SOX5: variants seen among roughly 807,000 people sequenced by gnomAD.
SOX5 encodes transcription factor SOX-5.
Under a neutral mutation model 92.0 loss-of-function variants are expected in SOX5, and 9 were observed. The ratio of observed to expected loss-of-function variants is 0.10; its 90% confidence interval spans 0.06 to 0.17. The LOEUF is 0.17. Among genes scored for constraint, SOX5 ranks in the 10% least tolerant of loss-of-function variants. The pLI, the probability that SOX5 is intolerant of heterozygous loss-of-function variation, is 1.00. For missense variants in SOX5, 642 were observed against 944.5 expected, an observed-to-expected ratio of 0.68 and a Z score of 4.20; for synonymous variants, 344 against 336.3, an observed-to-expected ratio of 1.02 and a Z score of -0.25.
rs533122065 is a variant in SOX5 at position 23,765,978 on chromosome 12, A to G, written c.482-10254T>C. On this transcript the variant is annotated intron_variant, in intron 3 of 14. Coordinates refer to ENST00000451604, the MANE Select transcript of SOX5 (RefSeq NM_006940.6). ...ACCAATTGTGACCATCACTAAAACC[A>G]TTTATTCAAATTGTTATAGTGTCAC... Among the ~76,000 whole-genome samples, 100 of 152,262 alleles carry G rather than the reference A, an allele frequency of 6.6e-4. 1 individual carries two copies. The South Asian group carries it at 8.9e-3, about 14-fold the overall frequency.
rs563135127 is a variant in SOX5 at position 24,047,214 on chromosome 12, T to C, written c.-1-151190A>G. On this transcript the variant is annotated intron_variant, in intron 4 of 4. Coordinates refer to the SOX5 transcript ENST00000446891. ...TATGCTGGGCTGACCTTTTCTGGAA[T>C]AGTTTTAAGAATTGAGAGGCAGGGA... Among the ~76,000 whole-genome samples, 7 of 152,316 alleles carry C rather than the reference T, an allele frequency of 4.6e-5. No homozygotes were observed. The East Asian group carries it at 1.4e-3, about 29-fold the overall frequency.
intron 2 of SOX5, among the ~76,000 whole-genome samples, chr12:23,854,967 A>G (rs4635171): frequency 0.079 from 12,098 of 152,192 alleles, 594 homozygotes; most frequent in Middle Eastern, 0.14. Context: ...AAATATTACA[A>G]GAGCTATATA....
At chr12:24,437,733 G>A (rs1372471716) in intron 1 of SOX5, among the ~76,000 whole-genome samples, 1 of 152,044 alleles carries the variant, frequency 6.6e-6, no homozygotes, top group African/African-American at 2.4e-5. Context: ...ACCACAGTGA[G>A]ATACCATCTT....
intron 6 of SOX5, among the ~76,000 whole-genome samples, chr12:23,685,269 A>G (rs1478645203): frequency 1.3e-5 from 2 of 152,030 alleles, no homozygotes; most frequent in Non-Finnish European, 2.9e-5. Context: ...TAACTTTAGA[A>G]GACAGAGAAA....
At chr12:23,908,305 G>A (rs1260862567) in intron 1 of SOX5, among the ~76,000 whole-genome samples, 1 of 152,016 alleles carries the variant, frequency 6.6e-6, no homozygotes, top group Non-Finnish European at 1.5e-5. Flanking sequence ...GCTAAAATGA[G>A]TACTGAACAT....
chr12:24,516,477 AT>A (rs1032633866), intron 1 of SOX5, among the ~76,000 whole-genome samples: 68 of 152,298 alleles, frequency 4.5e-4, no homozygotes, highest in Non-Finnish European at 1.3e-4. Flanking sequence ...CCCAATAAAT[AT>A]TAGTGGTATG....
At chr12:23,724,139 A>G (rs1026070877) in intron 6 of SOX5, among the ~76,000 whole-genome samples, 6 of 152,218 alleles carry the variant, frequency 3.9e-5, no homozygotes, top group Non-Finnish European at 7.3e-5. Context: ...GATTTAACTC[A>G]GTTTGAAAAG....
chr12:23,815,200 T>C (rs2095964879), intron 3 of SOX5, among the ~76,000 whole-genome samples: 1 of 152,072 alleles, frequency 6.6e-6, no homozygotes, highest in African/African-American at 2.4e-5. Flanking sequence ...TCCATCTAGC[T>C]AGGGGTGGGG....
At chr12:24,477,569 G>A (rs1945532405) in intron 1 of SOX5, among the ~76,000 whole-genome samples, 1 of 152,092 alleles carries the variant, frequency 6.6e-6, no homozygotes, top group Admixed American at 6.6e-5. Flanking sequence ...ACCTAGGTAT[G>A]AGAGACACAT....
chr12:23,585,102 CA>C (rs1950543868), intron 9 of SOX5, among the ~76,000 whole-genome samples: 1 of 152,082 alleles, frequency 6.6e-6, no homozygotes, highest in Non-Finnish European at 1.5e-5. Flanking sequence ...TATAGCATTT[CA>C]AAGGTTATTT....
At chr12:23,864,137 G>A (rs2096786560) in intron 2 of SOX5, among the ~76,000 whole-genome samples, 1 of 151,984 alleles carries the variant, frequency 6.6e-6, no homozygotes, top group South Asian at 2.1e-4. Context: ...GGTGATCTGT[G>A]CTCAGTAATC....
intron 1 of SOX5, among the ~76,000 whole-genome samples, chr12:24,405,419 G>A (rs1962708876): frequency 6.6e-6 from 1 of 152,156 alleles, no homozygotes; most frequent in African/African-American, 2.4e-5. Context: ...AGGGAAAACA[G>A]GGCACTGAGG....
At chr12:24,194,371 A>G (rs924975724) in intron 4 of SOX5, among the ~76,000 whole-genome samples, 1 of 152,148 alleles carries the variant, frequency 6.6e-6, no homozygotes. Context: ...CATACACACA[A>G]CATGCAGGTG....
chr12:23,659,894 G>C (rs1439416736), intron 7 of SOX5, among the ~76,000 whole-genome samples: 1 of 152,198 alleles, frequency 6.6e-6, no homozygotes, highest in Non-Finnish European at 1.5e-5. Context: ...TTGAACCTGG[G>C]AGGTGGAGGT....
intron 2 of SOX5, among the ~76,000 whole-genome samples, chr12:24,345,821 A>G (rs1285647557): frequency 1.3e-5 from 2 of 152,220 alleles, no homozygotes; most frequent in African/African-American, 4.8e-5. Flanking sequence ...AGGCATTAAT[A>G]GAATTGTCGT....
intron 1 of SOX5, among the ~76,000 whole-genome samples, chr12:24,422,858 A>G (rs1966146448): frequency 1.3e-5 from 2 of 152,280 alleles, no homozygotes; most frequent in African/African-American, 4.8e-5. Flanking sequence ...AAAAAAATTA[A>G]AAATTACCCA....
chr12:24,513,814 T>C (rs879802251), intron 1 of SOX5, among the ~76,000 whole-genome samples: 6 of 152,258 alleles, frequency 3.9e-5, no homozygotes, highest in Non-Finnish European at 7.3e-5. Context: ...ATTTTAAGGA[T>C]AGGAAACCTT....
At chr12:24,410,437 G>A (rs1382237598) in intron 1 of SOX5, among the ~76,000 whole-genome samples, 2 of 152,190 alleles carry the variant, frequency 1.3e-5, no homozygotes, top group Non-Finnish European at 2.9e-5. Flanking sequence ...ATAGTTTTGA[G>A]TTTTACATTT....
At chr12:23,602,392 G>A (rs1947815) in intron 9 of SOX5, among the ~76,000 whole-genome samples, 109,914 of 151,972 alleles carry the variant, frequency 0.72, 39,933 homozygotes, top group Middle Eastern at 0.81. Context: ...TCATTGTAGC[G>A]ACTGCTCAAT....
Sources: allele counts gnomAD v4.1 joint callset (sites outside exome capture counted in the v4.1 genomes callset), GRCh38; gene constraint gnomAD v4.1.1; transcripts MANE v1.5; gene names NCBI Gene and HGNC (gene_info 2026-07-23, HGNC 2026-07-21).